The following GSTM2 variants were observed in gnomAD, a reference collection of about 807,000 sequenced individuals.
GSTM2 encodes the protein glutathione S-transferase mu 2, also known as GST class-mu 2.
Under a neutral mutation model 33.3 loss-of-function variants are expected in GSTM2, and 33 were observed. That is an observed-to-expected ratio of 0.99 (90% CI 0.75 to 1.33). The LOEUF is 1.33. Among genes scored for constraint, GSTM2 ranks in the 40% most tolerant of loss-of-function variants. GSTM2 has a pLI of 0.00. For missense variants in GSTM2, 213 were observed against 265.8 expected (o/e 0.80, Z 1.38); for synonymous variants, 93 against 95.6 (o/e 0.97, Z 0.16).
At chr1:109,676,293 C>T (rs1182868660), downstream of GSTM2, among the ~76,000 whole-genome samples, 1 of 152,164 alleles carries the variant, frequency 6.6e-6, no homozygotes, top group Non-Finnish European at 1.5e-5. Flanking sequence ...TAGAATTGAG[C>T]ATTTCTGGTG....
intron 7 of GSTM2, among the ~76,000 whole-genome samples, chr1:109,682,821 C>T (rs1280688477): frequency 2.5e-5 from 3 of 120,796 alleles, no homozygotes; most frequent in Admixed American, 2.4e-4. Context: ...TTTACCCAAA[C>T]AATATTTAAG....
rs746457371 is a variant in GSTM2 at position 109,668,066 on chromosome 1, G to A, written c.-50G>A. On this transcript the variant is annotated 5_prime_UTR_variant, in exon 1 of 8. Transcript: ENST00000241337. ...CCTCTCTGGGCCTCTCACAAACGCT[G>A]AGCCCCGCCCCGCTGAGGCCTGTCT... is the stretch of plus-strand genomic sequence containing the variant. 1.9e-6 allele frequency: 3 copies of A among 1,603,818 alleles called. No individual in the cohort carries two copies. Among genetic ancestry groups the A allele is most frequent in the Admixed American group, 1.7e-5 (1 of 60,010 alleles).
Position 109,669,566 on chromosome 1 carries a change from G to T in GSTM2, c.355G>T (p.Asp119Tyr), listed in dbSNP as rs747571884. 1.1e-5 allele frequency: 18 copies of T among 1,591,178 alleles called. No homozygotes were observed. Among genetic ancestry groups the T allele is most frequent in the Non-Finnish European group, 1.6e-5 (18 of 1,160,244 alleles). The stretch of plus-strand genomic sequence containing the variant: ...GCTGGCCAAACTCTGCTATGACCCA[G>T]ATTTTGTAAGTCCCCCCACCCCACT... ...MQLAKLCYDPDFEKLKPEYLQ... is the reference protein window; with the variant it reads ...MQLAKLCYDPYFEKLKPEYLQ... Residue 119 changes from aspartate to tyrosine, a missense_variant, in exon 5 of 8, where the codon GAT becomes TAT. Transcript: ENST00000241337.
chr1:109,679,138 G>A (rs1482205425), downstream of GSTM2, among the ~76,000 whole-genome samples: 1 of 151,902 alleles, frequency 6.6e-6, no homozygotes, highest in Non-Finnish European at 1.5e-5. Flanking sequence ...AGGAGATCGC[G>A]ATTTCATCTT....
chr1:109,669,763 G>A (rs932190632), intron 5 of GSTM2, 192 bp downstream of exon 5: 2 of 576,750 alleles, frequency 3.5e-6, no homozygotes, highest in Non-Finnish European at 6.2e-6. Flanking sequence ...TGTTCCTTCA[G>A]ATGTTCAGAT....
At chr1:109,673,402 A>T (rs970835419) in intron 7 of GSTM2, 1 of 889,984 alleles carries the variant, frequency 1.1e-6, no homozygotes, top group African/African-American at 1.7e-5. Context: ...CAAATCCTAC[A>T]TTACTACAGA....
intron 5 of GSTM2, 90 bp from the exon 6 acceptor site, chr1:109,671,197 C>T (rs755148861): frequency 1.8e-4 from 152 of 867,364 alleles, no homozygotes; most frequent in Admixed American, 9.1e-4. Context: ...TGCTTGCCCG[C>T]GGCCAGCTGG....
intron 7 of GSTM2, among the ~76,000 whole-genome samples, chr1:109,672,804 G>A (rs1570629905): frequency 6.6e-6 from 1 of 152,172 alleles, no homozygotes; most frequent in South Asian, 2.1e-4. Context: ...TACATATGTG[G>A]GTGCCCCTGT....
At chr1:109,674,586 C>T (rs532559157) in intron 7 of GSTM2, among the ~76,000 whole-genome samples, 161 bp from the exon 8 acceptor site, 35 of 152,300 alleles carry the variant, frequency 2.3e-4, no homozygotes, top group Admixed American at 5.9e-4. Flanking sequence ...GAGTTAACTC[C>T]GCAGATCTGG....
chr1:109,673,168 C>T (rs1434020346), intron 7 of GSTM2: 1 of 1,608,850 alleles, frequency 6.2e-7, no homozygotes, highest in Non-Finnish European at 8.5e-7. Flanking sequence ...CCGCGCCTGG[C>T]CTCTTCCTCT....
intron 7 of GSTM2, chr1:109,673,328 G>A: frequency 1.9e-6 from 3 of 1,550,592 alleles, no homozygotes; most frequent in Non-Finnish European, 2.6e-6. Context: ...CTGGAAATGA[G>A]TGCAGTGAGA....
chr1:109,677,714 G>A (rs1255704843), downstream of GSTM2, among the ~76,000 whole-genome samples: 1 of 152,188 alleles, frequency 6.6e-6, no homozygotes, highest in Non-Finnish European at 1.5e-5. Flanking sequence ...TATCTGGGAG[G>A]TGATTCCAGA....
At chr1:109,668,591 C>A in intron 2 of GSTM2, 91 bp downstream of exon 2, 1 of 1,404,848 alleles carries the variant, frequency 7.1e-7, no homozygotes, top group Non-Finnish European at 1.0e-6. Flanking sequence ...ACTCTGCAGG[C>A]CTCCCTTGCT....
At chr1:109,669,949 A>G (rs976061812) in intron 5 of GSTM2, 1 of 200,816 alleles carries the variant, frequency 5.0e-6, no homozygotes, top group African/African-American at 2.3e-5. Flanking sequence ...AGACCTTCAT[A>G]GTGAATGTTA....
intron 7 of GSTM2, chr1:109,673,435 C>A: frequency 1.5e-6 from 1 of 671,998 alleles, no homozygotes; most frequent in Non-Finnish European, 2.5e-6. Flanking sequence ...AGGCATTTGT[C>A]CAACAGGCTT....
chr1:109,678,541 C>T (rs1332273436), downstream of GSTM2, among the ~76,000 whole-genome samples: 3 of 92,220 alleles, frequency 3.3e-5, no homozygotes, highest in African/African-American at 7.8e-5. Context: ...GTCAGGAGAT[C>T]GAGACCATCC....
chr1:109,679,338 G>A (rs931258413), downstream of GSTM2, among the ~76,000 whole-genome samples: 1 of 152,090 alleles, frequency 6.6e-6, no homozygotes, highest in African/African-American at 2.4e-5. Flanking sequence ...GGGCATGGTG[G>A]TGGGCACCTG....
At chr1:109,673,383 T>C in intron 7 of GSTM2, 1 of 1,111,594 alleles carries the variant, frequency 9.0e-7, no homozygotes, top group Middle Eastern at 2.6e-4. Flanking sequence ...TGAACTTGTT[T>C]GAGAGCAGCA....
chr1:109,670,103 A>AGGGGGGGGGTGGCCTCCTTTT, intron 5 of GSTM2: 1 of 86,538 alleles, frequency 1.2e-5, no homozygotes, highest in African/African-American at 5.3e-5. Context: ...GTGGGGGGGG[A>AGGGGGGGGGTGGCCTCCTTTT]AATCCCTTAT....
Sources: gnomAD v4.1 joint callset for allele counts (sites outside exome capture counted in the v4.1 genomes callset) on GRCh38, gnomAD v4.1.1 for gene constraint, MANE v1.5 for transcripts, NCBI Gene and HGNC (gene_info 2026-07-23, HGNC 2026-07-21) for gene names.